Variants in SPON2 observed in about 807,000 individuals in gnomAD.
SPON2 encodes the protein spondin-2.
A neutral mutation model predicts 29.9 loss-of-function variants in SPON2; 32 were observed. The observed-to-expected ratio is 1.07, with a 90% CI of 0.81 to 1.44. SPON2 has a LOEUF of 1.44. SPON2 is among the 40% of genes most tolerant of loss of function. SPON2 has a pLI of 0.00. For missense variants in SPON2, 541 were observed against 455.5 expected, an observed-to-expected ratio of 1.19 and a Z score of -1.71; for synonymous variants, 248 against 209.1, an observed-to-expected ratio of 1.19 and a Z score of -1.61.
chr4:1,188,202 CAAAAA>C (rs1164276990), intron 1 of SPON2, among the ~76,000 whole-genome samples: 2 of 36,582 alleles, frequency 5.5e-5, no homozygotes, highest in African/African-American at 1.1e-4. Flanking sequence ...GACTCCGTCT[CAAAAA>C]AAAAAAAAAA....
chr4:1,178,361 G>A (rs1489354900), intron 2 of SPON2, among the ~76,000 whole-genome samples: 3 of 152,094 alleles, frequency 2.0e-5, no homozygotes, highest in South Asian at 4.2e-4. Context: ...CTTCAGACTC[G>A]CAGGGATGGG....
chr4:1,207,665 G>A (rs1257700239), intron 1 of SPON2, among the ~76,000 whole-genome samples: 1 of 150,704 alleles, frequency 6.6e-6, no homozygotes, highest in African/African-American at 2.5e-5. Flanking sequence ...CATGCGCCGC[G>A]CTTACACATG....
chr4:1,173,069 C>T (rs1034766005), upstream of SPON2: 3 of 151,932 alleles, frequency 2.0e-5, no homozygotes, highest in Admixed American at 2.0e-4. Context: ...CAGAGGGGCT[C>T]TTGTTTTCAC....
intron 1 of SPON2, among the ~76,000 whole-genome samples, chr4:1,207,167 G>C (rs1328907517): frequency 6.6e-6 from 1 of 152,010 alleles, no homozygotes; most frequent in Non-Finnish European, 1.5e-5. Context: ...CTGCTGCTGA[G>C]AACCTGCTGT....
chr4:1,186,239 G>C (rs1315383880), intron 1 of SPON2, among the ~76,000 whole-genome samples: 1 of 138,544 alleles, frequency 7.2e-6, no homozygotes, highest in African/African-American at 2.7e-5. Flanking sequence ...GCGAGACTCC[G>C]TCTCAAAAAA....
Position 1,185,971 on chromosome 4 carries a change from G to A in SPON2, c.-238-6430C>T, listed in dbSNP as rs569370863. On this transcript the variant is annotated intron_variant, in intron 1 of 3. Coordinates refer to the SPON2 transcript ENST00000502483. ...ATCAAAAGGCAACATCTGGCCGGGC[G>A]TGGTGGCTCACGCCTGTAATCCCAG... Among the ~76,000 whole-genome samples the A allele has an allele frequency of 1.7e-3, 252 of 151,990 alleles. 1 individual carries two copies. Among genetic ancestry groups the A allele is most frequent in the African/African-American group, 5.4e-3 (223 of 41,478 alleles).
At position 1,171,191 on chromosome 4, in the gene SPON2, C is replaced by T; in HGVS notation, c.445-1G>A. The T allele has an allele frequency of 6.6e-7, 1 of 1,506,060 alleles. No homozygotes were observed. The highest frequency in any genetic ancestry group is 8.8e-7 in the Non-Finnish European group (1 of 1,133,398). The allele number at this position is 1,506,060 out of a possible 1,614,324, so 93.3% of individuals were successfully genotyped here. A position where few individuals can be genotyped will look rare whatever the true frequency, so the allele number is the denominator to read the frequency against. ...GCACGATGCGCACCACAAACGAGAC[C>T]TGCGGCGACAGCGGCTCAGCGCGCC... On this transcript the variant is annotated splice_acceptor_variant, in intron 3 of 5. Coordinates refer to ENST00000290902, the MANE Select transcript of SPON2 (RefSeq NM_012445.4). LOFTEE classifies it high-confidence loss of function.
chr4:1,171,654 GCC>G, intron 2 of SPON2, 168 bp from the exon 3 acceptor site: 1 of 811,646 alleles, frequency 1.2e-6, no homozygotes, highest in Middle Eastern at 3.7e-4. Context: ...ACCCACCTGC[GCC>G]CTCCCCGTGA....
chr4:1,176,870 A>G (rs965885069), upstream of SPON2, among the ~76,000 whole-genome samples: 4 of 152,004 alleles, frequency 2.6e-5, 1 homozygote, highest in Admixed American at 1.3e-4. Flanking sequence ...ATTCATTCAC[A>G]CACTTCATTC....
At chr4:1,185,600 T>A (rs1727777194) in intron 1 of SPON2, among the ~76,000 whole-genome samples, 1 of 149,302 alleles carries the variant, frequency 6.7e-6, no homozygotes. Context: ...CCCAGCCACT[T>A]GGGAGGCTGA....
intron 1 of SPON2, among the ~76,000 whole-genome samples, chr4:1,188,505 AAGC>A (rs1255937885): frequency 1.3e-5 from 2 of 152,228 alleles, no homozygotes; most frequent in Non-Finnish European, 2.9e-5. Context: ...ATAGAATAGT[AAGC>A]AGAAGAGAGC....
chr4:1,171,106 G>A lies in SPON2; in HGVS notation c.529C>T (p.Arg177Trp), dbSNP rs764512800. ...TACAGGTCCAGCGCCGCCTGTTCCC[G>A]CCAACGGTCCCCGTCGCACAGGTCC... ...SLDLCDGDRW[R>W]EQAALDLYPY... Residue 177 changes from arginine to tryptophan, a missense_variant, in exon 4 of 6, where the codon CGG becomes TGG. Arg to Trp is a moderately radical substitution (Grantham distance 101). Transcript: ENST00000290902. 2.8e-5 allele frequency: 43 copies of A among 1,550,772 alleles called. No homozygotes were observed. In the Admixed American group the frequency reaches 3.5e-4, roughly 13 times the overall value.
chr4:1,207,553 C>G (rs1728372556), intron 1 of SPON2, among the ~76,000 whole-genome samples: 1 of 151,164 alleles, frequency 6.6e-6, no homozygotes, highest in Non-Finnish European at 1.5e-5. Context: ...CCAGAGGGTC[C>G]GGCTGCCTAA....
intron 1 of SPON2, among the ~76,000 whole-genome samples, chr4:1,189,170 G>A (rs981391150): frequency 1.3e-5 from 2 of 152,126 alleles, no homozygotes; most frequent in Non-Finnish European, 2.9e-5. Context: ...AAATACAGAT[G>A]AAGCTAAACA....
At chr4:1,194,761 C>A (rs1035424142) in intron 1 of SPON2, among the ~76,000 whole-genome samples, 1 of 152,092 alleles carries the variant, frequency 6.6e-6, no homozygotes, top group East Asian at 1.9e-4. Context: ...AAGTCTGGCC[C>A]GGGGCCAGAG....
At chr4:1,191,456 A>G (rs929890763) in intron 1 of SPON2, among the ~76,000 whole-genome samples, 4 of 152,218 alleles carry the variant, frequency 2.6e-5, no homozygotes, top group Admixed American at 2.0e-4. Flanking sequence ...ATACAAAAAA[A>G]TTAACCATGT....
In SPON2 at chr4:1,167,199, G is replaced by A. The variant is rs1727263527; in HGVS notation, c.*273C>T. On this transcript the variant is annotated 3_prime_UTR_variant, in exon 6 of 6. Coordinates refer to ENST00000290902, the MANE Select transcript of SPON2 (RefSeq NM_012445.4). ...CATAATTTAGAGTAGCTGGAGCCTT[G>A]GGGATGACTTTATCCTGCAGGAGGA... 2 of 446,794 alleles carry A rather than the reference G, an allele frequency of 4.5e-6. No homozygotes were observed. Among genetic ancestry groups the A allele is most frequent in the Non-Finnish European group, 8.0e-6 (2 of 249,610 alleles). The allele number at this position is 446,794 out of a possible 1,614,324, so 27.7% of individuals were successfully genotyped here. A position where few individuals can be genotyped will look rare whatever the true frequency, so the allele number is the denominator to read the frequency against.
intron 1 of SPON2, chr4:1,201,054 C>G (rs886245380): frequency 4.4e-6 from 2 of 452,148 alleles, no homozygotes; most frequent in Non-Finnish European, 9.0e-6. Context: ...GGCCCTTCCC[C>G]CTCCCACCCT....
Position 1,167,583 on chromosome 4 carries a change from C to A in SPON2, c.885G>T (p.Arg295Ser). ...AGCGAGTCCTGCTCTTGGTCCCGAGCCTCCCACAGTGGCCTCCGCACAGTC... is the reference window on the plus strand; with the variant it reads ...AGCGAGTCCTGCTCTTGGTCCCGAGACTCCCACAGTGGCCTCCGCACAGTC... ...SWGLCGGHCGRLGTKSRTRYV... is the reference protein window; with the variant it reads ...SWGLCGGHCGSLGTKSRTRYV... Residue 295 changes from arginine to serine, a missense_variant, in exon 6 of 6, where the codon AGG becomes AGT. Physicochemically the swap from Arg to Ser is moderately radical, Grantham distance 110. Transcript: ENST00000290902. The A allele has an allele frequency of 6.2e-7, 1 of 1,613,582 alleles. No homozygotes were observed.
Sources: allele counts gnomAD v4.1 joint callset (sites outside exome capture counted in the v4.1 genomes callset), GRCh38; gene constraint gnomAD v4.1.1; transcripts MANE v1.5; gene names NCBI Gene and HGNC (gene_info 2026-07-23, HGNC 2026-07-21).